The following PVT1 variants were observed in gnomAD, a reference collection of about 807,000 sequenced individuals.
PVT1 encodes the protein CXCR4/PVT1 fusion.
At chr8:128,025,211 G>A (rs1015005829) in intron 4 of PVT1, among the ~76,000 whole-genome samples, 3 of 152,158 alleles carry the variant, frequency 2.0e-5, no homozygotes, top group African/African-American at 4.8e-5. Context: ...TTTGCTCAGC[G>A]GTTCGGGGTA....
chr8:128,088,544 A>G (rs1041716646), intron 5 of PVT1, among the ~76,000 whole-genome samples: 4 of 152,218 alleles, frequency 2.6e-5, no homozygotes, highest in African/African-American at 2.4e-5. Flanking sequence ...TTGTCTACCT[A>G]CTTACTATTG....
chr8:127,968,662 C>G (rs1372128613), intron 3 of PVT1, among the ~76,000 whole-genome samples: 3 of 152,192 alleles, frequency 2.0e-5, no homozygotes, highest in Non-Finnish European at 4.4e-5. Flanking sequence ...TAGATATGTT[C>G]AGGTCCTAAC....
intron 2 of PVT1, among the ~76,000 whole-genome samples, chr8:127,880,061 C>T (rs1444367145): frequency 6.6e-6 from 1 of 152,150 alleles, no homozygotes; most frequent in Admixed American, 6.5e-5. Flanking sequence ...AACCTTTCCT[C>T]CTGTTCCTCA....
intron 3 of PVT1, among the ~76,000 whole-genome samples, chr8:127,932,112 G>GT (rs1776964953): frequency 6.6e-6 from 1 of 152,214 alleles, no homozygotes. Context: ...CTGTGGCTGG[G>GT]TGGGAACGTC....
intron 2 of PVT1, chr8:127,803,054 G>C (rs971009895): frequency 2.0e-4 from 30 of 152,646 alleles, no homozygotes; most frequent in African/African-American, 7.0e-4. Context: ...GGTGGGGCGA[G>C]GGTGAGGGGC....
At chr8:127,891,172 G>A (rs1048240543) in intron 3 of PVT1, among the ~76,000 whole-genome samples, 7 of 152,170 alleles carry the variant, frequency 4.6e-5, no homozygotes, top group Non-Finnish European at 1.0e-4. Flanking sequence ...CTGCCCTGAC[G>A]TGTGTTATTG....
In PVT1 at chr8:127,956,040, G is replaced by A. The variant is rs552740342; in HGVS notation, n.783-33122G>A. 1.0e-3 allele frequency among the ~76,000 whole-genome samples: 154 copies of A among 152,328 alleles called. 1 individual carries two copies. The highest frequency in any genetic ancestry group is 3.5e-3 in the African/African-American group (145 of 41,574). Reference sequence around the variant, plus strand: ...GCCTGTCATACTGTACCACCTCTTTGACAGAGATAGCCTGGGTTAGTGCCC... The same window carrying A: ...GCCTGTCATACTGTACCACCTCTTTAACAGAGATAGCCTGGGTTAGTGCCC... On this transcript the variant is annotated intron_variant and non_coding_transcript_variant, in intron 3 of 10. Coordinates refer to ENST00000651587, the Ensembl canonical transcript of PVT1.
At chr8:128,068,802 T>G (rs1479734235) in intron 4 of PVT1, among the ~76,000 whole-genome samples, 1 of 152,164 alleles carries the variant, frequency 6.6e-6, no homozygotes, top group African/African-American at 2.4e-5. Flanking sequence ...AGTTTTGGGG[T>G]TTATTTTAAG....
At chr8:128,064,305 A>G (rs1223736322) in intron 4 of PVT1, among the ~76,000 whole-genome samples, 1 of 152,212 alleles carries the variant, frequency 6.6e-6, no homozygotes, top group African/African-American at 2.4e-5. Context: ...TGGTTTTACA[A>G]AATGTATTTA....
At chr8:127,814,682 T>C (rs1814639776) in intron 2 of PVT1, among the ~76,000 whole-genome samples, 1 of 152,224 alleles carries the variant, frequency 6.6e-6, no homozygotes, top group South Asian at 2.1e-4. Context: ...ATTTACATAA[T>C]AAAATTTGCC....
rs145910616 is a variant in PVT1 at position 128,005,088 on chromosome 8, G to A, written n.912+15797G>A. Among the ~76,000 whole-genome samples, 1,349 of 151,752 alleles carry A rather than the reference G, an allele frequency of 8.9e-3. 18 individuals are homozygous for A. Among genetic ancestry groups the A allele is most frequent in the African/African-American group, 0.031 (1,281 of 41,368 alleles). On this transcript the variant is annotated intron_variant and non_coding_transcript_variant, in intron 4 of 10. Coordinates refer to ENST00000651587, the Ensembl canonical transcript of PVT1. ...CTGGGAGGTGGAGGTTGCAGTGAGC[G>A]GAGATCACACCATTGCACTCCAGCC...
At chr8:128,090,202 C>T (rs769801346) in intron 5 of PVT1, among the ~76,000 whole-genome samples, 23 of 152,084 alleles carry the variant, frequency 1.5e-4, no homozygotes, top group Admixed American at 3.9e-4. Flanking sequence ...TTATGGAATT[C>T]GTTACCTCCA....
At chr8:127,818,439 G>C (rs1000059304) in intron 2 of PVT1, among the ~76,000 whole-genome samples, 21 of 152,302 alleles carry the variant, frequency 1.4e-4, no homozygotes, top group African/African-American at 5.1e-4. Flanking sequence ...GGGAGAGCAG[G>C]CAGGTCTCTC....
At chr8:127,814,968 A>T (rs1814642864) in intron 2 of PVT1, among the ~76,000 whole-genome samples, 2 of 151,090 alleles carry the variant, frequency 1.3e-5, no homozygotes, top group Non-Finnish European at 1.5e-5. Flanking sequence ...ACTTTTTTTT[A>T]TTTTTTATTT....
At chr8:127,843,107 G>C (rs1047336690) in intron 2 of PVT1, among the ~76,000 whole-genome samples, 4 of 152,180 alleles carry the variant, frequency 2.6e-5, no homozygotes, top group African/African-American at 9.7e-5. Flanking sequence ...TGTAATCTCA[G>C]CACTTTGGGA....
chr8:128,082,207 A>C (rs1432989532), intron 5 of PVT1, among the ~76,000 whole-genome samples: 1 of 152,234 alleles, frequency 6.6e-6, no homozygotes, highest in Non-Finnish European at 1.5e-5. Context: ...CCTTGGTTCA[A>C]CATCATTACT....
chr8:128,032,963 T>G, intron 4 of PVT1, among the ~76,000 whole-genome samples: 1 of 152,200 alleles, frequency 6.6e-6, no homozygotes, highest in East Asian at 1.9e-4. Context: ...GGGAAGGCAC[T>G]GCAGAGGTGC....
intron 4 of PVT1, among the ~76,000 whole-genome samples, chr8:128,033,501 T>G (rs975879839): frequency 2.0e-5 from 3 of 152,218 alleles, no homozygotes; most frequent in Non-Finnish European, 2.9e-5. Context: ...CCACAGGCTT[T>G]CCACAAGCTT....
intron 2 of PVT1, among the ~76,000 whole-genome samples, chr8:127,838,185 C>T (rs7825479): frequency 0.61 from 92,991 of 151,798 alleles, 28,842 homozygotes; most frequent in Admixed American, 0.69. Context: ...GCATGAACCA[C>T]TGCACCTGGT....
Sources: gnomAD v4.1 joint callset for allele counts (sites outside exome capture counted in the v4.1 genomes callset) on GRCh38, gnomAD v4.1.1 for gene constraint, MANE v1.5 for transcripts, NCBI Gene and HGNC (gene_info 2026-07-23, HGNC 2026-07-21) for gene names.